L3MBTL3: variants seen among roughly 807,000 people sequenced by gnomAD.
L3MBTL3 encodes the protein L3MBTL histone methyl-lysine binding protein 3, also known as lethal(3)malignant brain tumor-like protein 3.
In L3MBTL3, 27 loss-of-function variants were observed where a neutral mutation model predicts 102.3. That is an observed-to-expected ratio of 0.26 (90% confidence interval 0.19 to 0.36). The LOEUF (loss-of-function observed/expected upper bound fraction) is 0.36. Among genes scored for constraint, L3MBTL3 ranks in the 10% least tolerant of loss-of-function variants. The pLI is 1.00. For missense variants in L3MBTL3, 798 were observed against 955.3 expected (o/e 0.84, Z 2.17); for synonymous variants, 340 against 320.9 (o/e 1.06, Z -0.64).
intron 19 of L3MBTL3, among the ~76,000 whole-genome samples, chr6:130,105,838 TTGTC>T (rs1304794341): frequency 6.6e-6 from 1 of 152,190 alleles, no homozygotes; most frequent in African/African-American, 2.4e-5. Context: ...TTTTCAATAA[TTGTC>T]TGGTTGCTTG....
intron 14 of L3MBTL3, among the ~76,000 whole-genome samples, chr6:130,081,699 A>G (rs1187316855): frequency 6.6e-6 from 1 of 151,880 alleles, no homozygotes; most frequent in Non-Finnish European, 1.5e-5. Context: ...TGCTGGGATT[A>G]CAGGCGTGAG....
In L3MBTL3 at chr6:130,133,615, A is replaced by G; in HGVS notation, c.2130A>G (p.Thr710=). The stretch of plus-strand genomic sequence containing the variant: ...CCAGTAAAGTTTCCAAATGGAGCAC[A>G]GACGAGGTATATTTTATTTTCTTTG... ...IPASKVSKWS[T]DEVSEFIQSL... is the part of the protein sequence containing the mutation. Residue 710 remains threonine, a synonymous_variant, in exon 21 of 23, where the codon ACA becomes ACG. Transcript: ENST00000361794. The surrounding 1 kb of genome is among the most constrained non-coding windows in gnomAD (Gnocchi z 4.9). The G allele has an allele frequency of 1.2e-6, 2 of 1,613,528 alleles. No homozygotes were observed. The highest frequency in any genetic ancestry group is 1.7e-6 in the Non-Finnish European group (2 of 1,179,982).
rs1584396500 is a variant in L3MBTL3, at chr6:130,083,689, C to A, written c.1391C>A (p.Ala464Glu). 6.5e-7 allele frequency: 1 copy of A among 1,527,210 alleles called. No homozygotes were observed. Among genetic ancestry groups the A allele is most frequent in the Non-Finnish European group, 8.9e-7 (1 of 1,125,052 alleles). 94.6% of individuals were successfully genotyped at this position (1,527,210 alleles called of 1,614,324 possible). ...GAAACCAATTCTTTACCTGCTCCTG[C>A]AAGAGCTTTCAAAGTGGTAAGATGA... is the stretch of plus-strand genomic sequence containing the variant. Reference protein sequence around the residue: ...LEETNSLPAPARAFKVKPPHG... With the variant: ...LEETNSLPAPERAFKVKPPHG... The change falls in exon 15 of 23, where the codon GCA becomes GAA. Residue 464 changes from alanine to glutamate, a missense_variant. By Grantham distance (107) the Ala-to-Glu change is moderately radical. This residue lies in a region of L3MBTL3 where 306 missense variants were observed against 314.4 expected (regional missense o/e 0.97). Transcript: ENST00000361794.
At chr6:130,058,195 ATAT>A (rs1781653112) in intron 9 of L3MBTL3, among the ~76,000 whole-genome samples, 1 of 151,492 alleles carries the variant, frequency 6.6e-6, no homozygotes, top group East Asian at 1.9e-4. Flanking sequence ...TACGATTTAC[ATAT>A]TATCACAGCA....
intron 14 of L3MBTL3, 76 bp from the exon 15 acceptor site, chr6:130,083,544 A>G: frequency 1.6e-6 from 1 of 623,186 alleles, no homozygotes; most frequent in Non-Finnish European, 2.8e-6. Context: ...AATATTTTAT[A>G]ATTTTTGTTG....
intron 2 of L3MBTL3, among the ~76,000 whole-genome samples, chr6:130,023,227 T>A (rs75106300): frequency 0.014 from 2,156 of 152,304 alleles, 29 homozygotes; most frequent in Middle Eastern, 0.058. Context: ...GGGCCAGGTG[T>A]AATCTAGAAA....
intron 19 of L3MBTL3, among the ~76,000 whole-genome samples, chr6:130,117,134 C>T (rs1293938679): frequency 1.9e-5 from 2 of 107,028 alleles, no homozygotes; most frequent in East Asian, 6.1e-4. Flanking sequence ...CCCCCCACCC[C>T]ACCACAGTCC....
intron 10 of L3MBTL3, among the ~76,000 whole-genome samples, chr6:130,064,073 C>A (rs553986007): frequency 6.6e-6 from 1 of 152,090 alleles, no homozygotes; most frequent in Non-Finnish European, 1.5e-5. Context: ...TGAAGACTGG[C>A]GGTATGTCAT....
intron 19 of L3MBTL3, among the ~76,000 whole-genome samples, chr6:130,109,234 G>A (rs569454390): frequency 1.2e-3 from 186 of 152,318 alleles, no homozygotes; most frequent in Non-Finnish European, 2.1e-3. Flanking sequence ...TAATGGGATT[G>A]CTGGGTCAAA....
rs1014778704 is a variant in L3MBTL3, at chr6:130,058,237, T to C, written c.759+740T>C. 2.0e-5 allele frequency among the ~76,000 whole-genome samples: 3 copies of C among 151,486 alleles called. No individual in the cohort carries two copies. The South Asian group carries it at 6.2e-4, about 31-fold the overall frequency. On this transcript the variant is annotated intron_variant, in intron 9 of 22. Transcript: ENST00000361794. Reference sequence around the variant, plus strand: ...CATCTAAAAATGGGTCACTATATTATATTAGCTATAATAAAAGTGTTTTAT... The same window carrying C: ...CATCTAAAAATGGGTCACTATATTACATTAGCTATAATAAAAGTGTTTTAT...
chr6:130,055,619 CCTGTCTCCCTCCCTCCCTCCCTCCCT>C (rs1347597148), intron 8 of L3MBTL3, among the ~76,000 whole-genome samples: 5 of 98,236 alleles, frequency 5.1e-5, no homozygotes, highest in Non-Finnish European at 1.0e-4. Flanking sequence ...TCCGCCTCTC[CCTGTCTCCCTCCCTCCCTCCCTCCCT>C]CTCTCTCCCT....
At chr6:130,057,882 G>C (rs1584341584) in intron 9 of L3MBTL3, among the ~76,000 whole-genome samples, 1 of 152,268 alleles carries the variant, frequency 6.6e-6, no homozygotes, top group East Asian at 1.9e-4. Context: ...GGTGGCTCAC[G>C]CCTGTAATCC....
intron 14 of L3MBTL3, 149 bp from the exon 15 acceptor site, chr6:130,083,471 C>A: frequency 2.6e-6 from 1 of 378,450 alleles, no homozygotes. Context: ...TTCATTATTA[C>A]TAATAGCTCT....
intron 13 of L3MBTL3, among the ~76,000 whole-genome samples, chr6:130,072,428 T>C (rs972163878): frequency 6.6e-6 from 1 of 152,210 alleles, no homozygotes; most frequent in African/African-American, 2.4e-5. Context: ...CACCATCTCC[T>C]GCTGATACCA....
chr6:130,049,435 G>T (rs1231616497), intron 4 of L3MBTL3, 42 bp downstream of exon 4: 3 of 1,276,450 alleles, frequency 2.4e-6, no homozygotes, highest in Non-Finnish European at 3.3e-6. Flanking sequence ...GCTTTTGAAA[G>T]ATTTGAAATA....
chr6:130,097,209 G>A (rs1784410487), intron 18 of L3MBTL3, among the ~76,000 whole-genome samples: 2 of 152,280 alleles, frequency 1.3e-5, no homozygotes, highest in Admixed American at 6.5e-5. Flanking sequence ...GTAGACTTGT[G>A]GAGGAGCTTA....
intron 10 of L3MBTL3, among the ~76,000 whole-genome samples, chr6:130,065,437 T>C (rs1194530189): frequency 6.6e-6 from 1 of 152,188 alleles, no homozygotes; most frequent in Admixed American, 6.5e-5. Context: ...ACTTAACTCA[T>C]TCTGTGTTAT....
intron 2 of L3MBTL3, among the ~76,000 whole-genome samples, chr6:130,037,839 A>G (rs910597752): frequency 6.6e-6 from 1 of 152,126 alleles, no homozygotes; most frequent in African/African-American, 2.4e-5. Context: ...ATTTTTAACT[A>G]TATTCACCCC....
chr6:130,102,074 T>A (rs1476358478), intron 18 of L3MBTL3, among the ~76,000 whole-genome samples: 1 of 151,858 alleles, frequency 6.6e-6, no homozygotes, highest in African/African-American at 2.4e-5. Context: ...CCAAATCATC[T>A]TCTCCTTAGT....
Sources: allele counts gnomAD v4.1 joint callset (sites outside exome capture counted in the v4.1 genomes callset), GRCh38; gene constraint gnomAD v4.1.1; regional missense constraint gnomAD v4.1.1; non-coding constraint Gnocchi (gnomAD v3.1); transcripts MANE v1.5; gene names NCBI Gene and HGNC (gene_info 2026-07-23, HGNC 2026-07-21).